SPPL3: variants seen among roughly 807,000 people sequenced by gnomAD.
SPPL3 encodes signal peptide peptidase-like 3.
A neutral mutation model predicts 42.4 loss-of-function variants in SPPL3; 5 were observed. The observed-to-expected ratio is 0.12, with a 90% confidence interval of 0.06 to 0.25. The LOEUF (loss-of-function observed/expected upper bound fraction) is 0.25, where lower values mean the gene tolerates loss of function less well. Among genes scored for constraint, SPPL3 ranks in the 10% least tolerant of loss-of-function variants. The pLI is 1.00. For missense variants in SPPL3, 235 were observed against 489.0 expected (o/e 0.48, Z 4.90); for synonymous variants, 195 against 181.8 (o/e 1.07, Z -0.58).
At chr12:120,845,817 T>G (rs1007803685) in intron 1 of SPPL3, among the ~76,000 whole-genome samples, 1 of 152,088 alleles carries the variant, frequency 6.6e-6, no homozygotes, top group Non-Finnish European at 1.5e-5. Context: ...CTACCTAATT[T>G]CAGAGCCACC....
At chr12:120,794,650 C>A (rs1293536660) in intron 2 of SPPL3, among the ~76,000 whole-genome samples, 1 of 152,112 alleles carries the variant, frequency 6.6e-6, no homozygotes. Flanking sequence ...CCTGCCCTGA[C>A]CTCCCAAAGT....
At chr12:120,890,523 AG>A (rs1873604385) in intron 1 of SPPL3, among the ~76,000 whole-genome samples, 1 of 144,020 alleles carries the variant, frequency 6.9e-6, no homozygotes, top group Non-Finnish European at 1.5e-5. Flanking sequence ...TGGAAGGCGG[AG>A]GCTGCAGTAA....
intron 1 of SPPL3, among the ~76,000 whole-genome samples, chr12:120,880,216 A>G (rs1873235855): frequency 6.6e-6 from 1 of 152,086 alleles, no homozygotes; most frequent in Non-Finnish European, 1.5e-5. Flanking sequence ...CTATCCTATT[A>G]AAAATGAATT....
At chr12:120,785,242 C>A (rs1236410499) in intron 3 of SPPL3, among the ~76,000 whole-genome samples, 1 of 146,926 alleles carries the variant, frequency 6.8e-6, no homozygotes, top group Non-Finnish European at 1.5e-5. Context: ...CCGTTTCTAT[C>A]TATTAATATT....
At chr12:120,793,829 G>A (rs1046489408) in intron 2 of SPPL3, among the ~76,000 whole-genome samples, 3 of 152,182 alleles carry the variant, frequency 2.0e-5, no homozygotes, top group African/African-American at 7.2e-5. Context: ...CCCATATATG[G>A]TCTGCATTAG....
chr12:120,768,273 A>T (rs1868982036), intron 8 of SPPL3, 52 bp downstream of exon 8: 2 of 1,563,644 alleles, frequency 1.3e-6, no homozygotes, highest in Admixed American at 1.8e-5. Context: ...CAAGGCCGGG[A>T]ACAGATAGGC....
In SPPL3 at chr12:120,813,568, G is replaced by A. The variant is rs1050297886; in HGVS notation, c.24-2682C>T. ...ACTCGTGACCTCAAGTGATCCACCC[G>A]CCTCGGCCTCTCAAAGTGCTGGGAT... On this transcript the variant is annotated intron_variant, in intron 1 of 10. Coordinates refer to ENST00000353487, the MANE Select transcript of SPPL3 (RefSeq NM_139015.5). 1.9e-4 allele frequency among the ~76,000 whole-genome samples: 29 copies of A among 151,862 alleles called. 1 individual carries two copies. The highest frequency in any genetic ancestry group is 7.3e-5 in the African/African-American group (3 of 41,320).
chr12:120,886,115 T>G (rs889657449), intron 1 of SPPL3, among the ~76,000 whole-genome samples: 3 of 151,816 alleles, frequency 2.0e-5, no homozygotes, highest in Admixed American at 6.6e-5. Context: ...AGTGCTGGGA[T>G]TACAGGCGTG....
Position 120,782,694 on chromosome 12 carries a change from G to A in SPPL3, c.463C>T (p.Leu155Phe). 2 of 1,611,746 alleles carry A rather than the reference G, an allele frequency of 1.2e-6. No individual in the cohort carries two copies. The highest frequency in any genetic ancestry group is 1.7e-6 in the Non-Finnish European group (2 of 1,178,744). The change falls in exon 6 of 11, where the codon CTC becomes TTC. Residue 155 changes from leucine (L) to phenylalanine (F), a missense_variant. This residue lies in a region of SPPL3 where 110 missense variants were observed against 186.2 expected (regional missense o/e 0.59). Transcript: ENST00000353487. Reference sequence around the variant, plus strand: ...CAATGGCCAGTGAGAACCCAGATGAGGACGAGCATGACAGACAGAGAGAAT... The same window carrying A: ...CAATGGCCAGTGAGAACCCAGATGAAGACGAGCATGACAGACAGAGAGAAT... ...LSFSLSVMLV[L>F]IWVLTGHWLL...
At chr12:120,885,257 A>G (rs1436946855) in intron 1 of SPPL3, among the ~76,000 whole-genome samples, 1 of 152,224 alleles carries the variant, frequency 6.6e-6, no homozygotes, top group African/African-American at 2.4e-5. Flanking sequence ...CAACAGAACC[A>G]CCAAATAAAC....
At chr12:120,839,314 C>T (rs1419388953) in intron 1 of SPPL3, among the ~76,000 whole-genome samples, 3 of 132,466 alleles carry the variant, frequency 2.3e-5, no homozygotes, top group Admixed American at 1.8e-4. Flanking sequence ...ACAATGAGAA[C>T]ACATGGACAC....
chr12:120,903,770 T>G, intron 1 of SPPL3, 75 bp downstream of exon 1: 1 of 984,658 alleles, frequency 1.0e-6, no homozygotes, highest in Non-Finnish European at 1.4e-6. Flanking sequence ...TTCCTCCTCT[T>G]CCCCTCGGCG....
At chr12:120,790,309 T>A in intron 3 of SPPL3, among the ~76,000 whole-genome samples, 1 of 152,214 alleles carries the variant, frequency 6.6e-6, no homozygotes, top group East Asian at 1.9e-4. Context: ...ATGAAACCCA[T>A]GTGACTGGGT....
chr12:120,844,450 C>T (rs1455224350), intron 1 of SPPL3, among the ~76,000 whole-genome samples: 5 of 152,136 alleles, frequency 3.3e-5, no homozygotes, highest in Admixed American at 3.3e-4. Context: ...CTCTAACAGC[C>T]TCCCATCGTG....
intron 6 of SPPL3, among the ~76,000 whole-genome samples, chr12:120,771,145 C>T (rs998932895): frequency 6.6e-6 from 1 of 152,230 alleles, no homozygotes; most frequent in East Asian, 1.9e-4. Context: ...ACAGAAGCAG[C>T]TTCTTAAACC....
At chr12:120,845,751 T>G (rs1485149646) in intron 1 of SPPL3, 1 of 229,576 alleles carries the variant, frequency 4.4e-6, no homozygotes, top group Non-Finnish European at 9.3e-6. Flanking sequence ...GGCTGGCTCT[T>G]TCTTGTTCTT....
chr12:120,869,679 T>C (rs1477747056), intron 1 of SPPL3, among the ~76,000 whole-genome samples: 1 of 152,262 alleles, frequency 6.6e-6, no homozygotes, highest in Non-Finnish European at 1.5e-5. Flanking sequence ...TATTTACTTC[T>C]TATGTTAGCA....
chr12:120,776,275 C>A (rs1317044696), intron 6 of SPPL3, among the ~76,000 whole-genome samples: 1 of 152,194 alleles, frequency 6.6e-6, no homozygotes, highest in Non-Finnish European at 1.5e-5. Flanking sequence ...CAAAACTTTT[C>A]AACTATGAAG....
intron 8 of SPPL3, 34 bp downstream of exon 8, chr12:120,768,291 G>A (rs748911744): frequency 6.3e-7 from 1 of 1,589,602 alleles, no homozygotes; most frequent in South Asian, 1.1e-5. Flanking sequence ...GGCACAGGAA[G>A]ACAGTGTGGT....
Sources: allele counts gnomAD v4.1 joint callset (sites outside exome capture counted in the v4.1 genomes callset), GRCh38; gene constraint gnomAD v4.1.1; regional missense constraint gnomAD v4.1.1; transcripts MANE v1.5; gene names NCBI Gene and HGNC (gene_info 2026-07-23, HGNC 2026-07-21).